The following FIGNL2 variants were observed in gnomAD, a reference collection of about 807,000 sequenced individuals.
FIGNL2 encodes the protein fidgetin like 2.
For missense variants in FIGNL2, 1,060 were observed against 950.2 expected, an observed-to-expected ratio of 1.12 and a Z score of -1.52; for synonymous variants, 565 against 484.0, an observed-to-expected ratio of 1.17 and a Z score of -2.20.
chr12:51,842,324 C>A (rs1939677532), intron 1 of FIGNL2, among the ~76,000 whole-genome samples: 1 of 152,170 alleles, frequency 6.6e-6, no homozygotes. Flanking sequence ...GAGGACCCAG[C>A]CACTGATGAA....
intron 1 of FIGNL2, among the ~76,000 whole-genome samples, chr12:51,836,976 C>T (rs1939588545): frequency 6.6e-6 from 1 of 152,142 alleles, no homozygotes; most frequent in Non-Finnish European, 1.5e-5. Context: ...CCAATCACAG[C>T]ACTGAGGAGT....
In FIGNL2 at chr12:51,834,521, G is replaced by A. The variant is rs187294238; in HGVS notation, c.-11-12097C>T. Among the ~76,000 whole-genome samples the A allele has an allele frequency of 1.8e-3, 278 of 152,318 alleles. 1 individual carries two copies. The highest frequency in any genetic ancestry group is 6.0e-3 in the African/African-American group (251 of 41,574). ...GCCCTCAGGATCCTGCTTCCTGGAG[G>A]TGCGGAGGCCGCCCCGCCAGTCTGG... is the stretch of plus-strand genomic sequence containing the variant. On this transcript the variant is annotated intron_variant, in intron 1 of 1. Transcript: ENST00000618634.
At chr12:51,833,275 A>G (rs575965129) in intron 1 of FIGNL2, among the ~76,000 whole-genome samples, 2 of 152,020 alleles carry the variant, frequency 1.3e-5, no homozygotes, top group African/African-American at 4.8e-5. Flanking sequence ...GCTGGTCTTG[A>G]GCTCCTGGGC....
At chr12:51,824,796 C>G (rs939261097) in intron 1 of FIGNL2, among the ~76,000 whole-genome samples, 1 of 152,220 alleles carries the variant, frequency 6.6e-6, no homozygotes, top group East Asian at 1.9e-4. Flanking sequence ...GTAATCCCAA[C>G]ACTTTAGGAG....
At chr12:51,831,274 G>A (rs1400287600) in intron 1 of FIGNL2, among the ~76,000 whole-genome samples, 1 of 152,194 alleles carries the variant, frequency 6.6e-6, no homozygotes, top group African/African-American at 2.4e-5. Flanking sequence ...TCGCTAGGGA[G>A]TCAGGAATTC....
At chr12:51,834,694 G>A (rs1007067929) in intron 1 of FIGNL2, among the ~76,000 whole-genome samples, 6 of 152,240 alleles carry the variant, frequency 3.9e-5, no homozygotes, top group East Asian at 1.9e-4. Context: ...ACACGCTGAC[G>A]GGAGGGGACA....
chr12:51,847,505 G>A lies in FIGNL2; in HGVS notation c.-12+1035C>T, dbSNP rs375082470. 133 of 985,450 alleles carry A rather than the reference G, an allele frequency of 1.3e-4. 1 individual carries two copies. The African/African-American group carries it at 2.2e-3, about 16-fold the overall frequency. 61.0% of individuals were successfully genotyped at this position (985,450 alleles called of 1,614,324 possible). ...ATTAGGTATCCATGGAGACAGGGCC[G>A]GCAGCCTGACAGCCCTACGGCCTAA... is the stretch of plus-strand genomic sequence containing the variant. On this transcript the variant is annotated intron_variant, in intron 1 of 1. Coordinates refer to ENST00000618634, the MANE Select transcript of FIGNL2 (RefSeq NM_001384995.1).
rs1379926413 is a variant in FIGNL2, at chr12:51,821,856, C to T, written c.558G>A (p.Ala186=). 9 of 1,292,402 alleles carry T rather than the reference C, an allele frequency of 7.0e-6. No individual in the cohort carries two copies. The East Asian group carries it at 2.6e-4, about 37-fold the overall frequency. 80.1% of individuals were successfully genotyped at this position (1,292,402 alleles called of 1,614,324 possible). A position where few individuals can be genotyped will look rare whatever the true frequency, so the allele number is the denominator to read the frequency against. Residue 186 remains alanine (A), a synonymous_variant, in exon 2 of 2, where the codon GCG becomes GCA. Transcript: ENST00000618634. ...CCGGAGGCGGTGGGGGCTGCAGGAG[C>T]GCGGCCGGGGGCGGCGGGGGCAGCG... ...GAALPPPPPA[A]LLQPPPPPGY... is the part of the protein sequence containing the mutation.
chr12:51,844,680 TG>T, intron 1 of FIGNL2: 1 of 985,306 alleles, frequency 1.0e-6, no homozygotes, highest in Non-Finnish European at 1.2e-6. Flanking sequence ...AAGATGCTTA[TG>T]AAACTGCTCG....
At chr12:51,829,262 G>A (rs1288299329) in intron 1 of FIGNL2, among the ~76,000 whole-genome samples, 1 of 152,236 alleles carries the variant, frequency 6.6e-6, no homozygotes, top group Non-Finnish European at 1.5e-5. Context: ...TTTGTCCCAG[G>A]CTTTTTGTCT....
At chr12:51,846,352 G>A (rs1939749952) in intron 1 of FIGNL2, among the ~76,000 whole-genome samples, 1 of 152,218 alleles carries the variant, frequency 6.6e-6, no homozygotes, top group Admixed American at 6.5e-5. Flanking sequence ...GGAGGTTGTG[G>A]AAAGACAGGG....
rs1329272432 is a variant in FIGNL2, at chr12:51,819,317, G to T, written c.*1135C>A. The T allele has an allele frequency of 6.6e-6, 1 of 152,418 alleles. No homozygotes were observed. The highest frequency in any genetic ancestry group is 2.4e-5 in the African/African-American group (1 of 41,424). 9.4% of individuals were successfully genotyped at this position (152,418 alleles called of 1,614,324 possible). A position where few individuals can be genotyped will look rare whatever the true frequency, so the allele number is the denominator to read the frequency against. ...GCGGAGGGGTTGGGTGGGGCAGGGG[G>T]TGGGGAGCAGCAGGAGAGGAATAAG... On this transcript the variant is annotated 3_prime_UTR_variant, in exon 2 of 2. Coordinates refer to ENST00000618634, the MANE Select transcript of FIGNL2 (RefSeq NM_001384995.1).
intron 1 of FIGNL2, among the ~76,000 whole-genome samples, chr12:51,838,774 TG>T (rs564417518): frequency 6.6e-6 from 1 of 151,698 alleles, no homozygotes; most frequent in African/African-American, 2.4e-5. Flanking sequence ...GGGAAAGAGG[TG>T]GGGGGGCTGC....
In FIGNL2 at chr12:51,822,004, C is replaced by G. The variant is rs1426162371; in HGVS notation, c.410G>C (p.Gly137Ala). The G allele has an allele frequency of 5.7e-6, 9 of 1,592,396 alleles. No homozygotes were observed. Among genetic ancestry groups the G allele is most frequent in the Non-Finnish European group, 6.8e-6 (8 of 1,170,584 alleles). ...GGCGTAGAGGGGTTCAGGGAGGTTC[C>G]CGGCTAAAACTGGGGAGCCCCCCAG... ...GALGGSPVLA[G>A]NLPEPLYAGN... The change falls in exon 2 of 2, where the codon GGG (glycine) becomes GCG (alanine). Residue 137 changes from glycine (G) to alanine (A), a missense_variant. By Grantham distance (60) the Gly-to-Ala change is moderately conservative (BLOSUM62 0). Coordinates refer to ENST00000618634, the MANE Select transcript of FIGNL2 (RefSeq NM_001384995.1).
At chr12:51,829,943 A>G (rs1051369753) in intron 1 of FIGNL2, among the ~76,000 whole-genome samples, 13 of 152,176 alleles carry the variant, frequency 8.5e-5, no homozygotes, top group Admixed American at 7.9e-4. Flanking sequence ...CAAGAGATCT[A>G]TTGTTAAATA....
At chr12:51,828,951 AACCCCCGAAGG>A (rs1939399395) in intron 1 of FIGNL2, among the ~76,000 whole-genome samples, 1 of 152,172 alleles carries the variant, frequency 6.6e-6, no homozygotes. Flanking sequence ...ACCCTCCTCC[AACCCCCGAAGG>A]AGACCCCCAA....
chr12:51,821,922 C>A lies in FIGNL2; in HGVS notation c.492G>T (p.Gly164=), dbSNP rs1939216431. 3 of 1,500,820 alleles carry A rather than the reference C, an allele frequency of 2.0e-6. No individual in the cohort carries two copies. Among genetic ancestry groups the A allele is most frequent in the East Asian group, 5.3e-5 (2 of 37,790 alleles). The allele number at this position is 1,500,820 out of a possible 1,614,324, so 93.0% of individuals were successfully genotyped here. Residue 164 remains glycine (G), a synonymous_variant, in exon 2 of 2, where the codon GGG becomes GGT. Coordinates refer to ENST00000618634, the MANE Select transcript of FIGNL2 (RefSeq NM_001384995.1). ...CGCAGTAACCCGGCGCCAGGTACCC[C>A]CCGCCGTAGCCGGCCGCGTACTCGG... ...AAPEYAAGYG[G]GYLAPGYCAQ... is the part of the protein sequence containing the mutation.
Position 51,821,518 on chromosome 12 carries a change from G to C in FIGNL2, c.896C>G (p.Ala299Gly), listed in dbSNP as rs2138970444. 1 of 1,567,272 alleles carries C rather than the reference G, an allele frequency of 6.4e-7. No homozygotes were observed. Among genetic ancestry groups the C allele is most frequent in the East Asian group, 2.4e-5 (1 of 41,796 alleles). Residue 299 changes from alanine to glycine, a missense_variant, in exon 2 of 2, where the codon GCG (alanine) becomes GGG (glycine). Coordinates refer to ENST00000618634, the MANE Select transcript of FIGNL2 (RefSeq NM_001384995.1). ...GTTGCCCCGACATTCGCCGTTGTCC[G>C]CGGCGGGGTAGGAGGCTCCGTCAGC... ...PVADGASYPA[A>G]DNGECRGNGF... is the part of the protein sequence containing the mutation.
Position 51,821,040 on chromosome 12 carries a change from G to A in FIGNL2, c.1374C>T (p.Gly458=), listed in dbSNP as rs201243491. ...CGGCGCCGGGCGCAGCCAGGGTCGC[G>A]CCGCGCAGGCGCAACAGCGTGGCGC... The part of the protein sequence containing the change: ...QLGATLLRLR[G]ATLAAPGAAE... Residue 458 remains glycine (G), a synonymous_variant, in exon 2 of 2, where the codon GGC becomes GGT. Coordinates refer to ENST00000618634, the MANE Select transcript of FIGNL2 (RefSeq NM_001384995.1). The A allele has an allele frequency of 2.8e-4, 337 of 1,190,136 alleles. No individual in the cohort carries two copies. The East Asian group carries it at 6.1e-3, about 21-fold the overall frequency. The allele number at this position is 1,190,136 out of a possible 1,614,324, so 73.7% of individuals were successfully genotyped here.
Sources: gnomAD v4.1 joint callset for allele counts (sites outside exome capture counted in the v4.1 genomes callset) on GRCh38, gnomAD v4.1.1 for gene constraint, MANE v1.5 for transcripts, NCBI Gene and HGNC (gene_info 2026-07-23, HGNC 2026-07-21) for gene names.